CCSER1: variants seen among roughly 807,000 people sequenced by gnomAD.
The protein encoded by CCSER1 is coiled-coil serine rich protein 1, also known as serine-rich coiled-coil domain-containing protein 1.
In CCSER1, 41 loss-of-function variants were observed where a neutral mutation model predicts 82.0. The ratio of observed to expected loss-of-function variants is 0.50; its 90% confidence interval spans 0.39 to 0.65. The LOEUF is 0.65. Ranked by LOEUF, CCSER1 falls within the 30% of genes least tolerant of loss-of-function variation. CCSER1 has a pLI of 0.00. For synonymous variants in CCSER1, 414 were observed against 383.9 expected (o/e 1.08, Z -0.92); for missense variants, 1,119 against 1,064.2 (o/e 1.05, Z -0.72).
intron 10 of CCSER1, among the ~76,000 whole-genome samples, chr4:91,289,288 T>C (rs1326037822): frequency 1.3e-5 from 2 of 152,014 alleles, no homozygotes; most frequent in Non-Finnish European, 2.9e-5. Flanking sequence ...ATGTCCTACA[T>C]AAAATGTCTG....
intron 6 of CCSER1, among the ~76,000 whole-genome samples, chr4:90,722,393 C>A (rs577935951): frequency 4.6e-5 from 7 of 151,860 alleles, no homozygotes; most frequent in African/African-American, 1.7e-4. Context: ...CAGCATAAAG[C>A]TTCATTCATG....
At chr4:91,345,021 G>A (rs868538983) in intron 10 of CCSER1, among the ~76,000 whole-genome samples, 1 of 152,230 alleles carries the variant, frequency 6.6e-6, no homozygotes, top group South Asian at 2.1e-4. Context: ...ATTAACAGAA[G>A]CTGTTAAAAT....
At chr4:90,193,203 TAA>T (rs893985596) in intron 1 of CCSER1, among the ~76,000 whole-genome samples, 4 of 152,116 alleles carry the variant, frequency 2.6e-5, no homozygotes, top group African/African-American at 9.7e-5. Flanking sequence ...GAGTCATGTA[TAA>T]GAGACCCAGC....
chr4:90,987,373 A>G (rs1235861557), intron 9 of CCSER1, among the ~76,000 whole-genome samples: 2 of 151,436 alleles, frequency 1.3e-5, no homozygotes, highest in Non-Finnish European at 3.0e-5. Context: ...CTAAACCATT[A>G]TATTGCTTAT....
chr4:90,606,786 A>G (rs184908837), intron 5 of CCSER1, among the ~76,000 whole-genome samples: 292 of 152,316 alleles, frequency 1.9e-3, no homozygotes, highest in Non-Finnish European at 2.8e-3. Flanking sequence ...CTACTCTGAG[A>G]TAGCCCAGGG....
chr4:91,411,483 CATATATACAT>C (rs1309291082), intron 10 of CCSER1, among the ~76,000 whole-genome samples: 1 of 69,248 alleles, frequency 1.4e-5, no homozygotes, highest in African/African-American at 5.6e-5. Flanking sequence ...TAAATTTCTG[CATATATACAT>C]ATATATATAT....
intron 1 of CCSER1, among the ~76,000 whole-genome samples, chr4:90,133,634 G>A (rs1049536480): frequency 3.3e-5 from 5 of 152,058 alleles, no homozygotes; most frequent in African/African-American, 1.2e-4. Context: ...TTATACCACT[G>A]TTTCTCTCCC....
chr4:90,689,460 C>T (rs998396681), intron 6 of CCSER1, among the ~76,000 whole-genome samples: 12 of 151,834 alleles, frequency 7.9e-5, no homozygotes, highest in African/African-American at 1.9e-4. Flanking sequence ...TAAAACAGCT[C>T]GTTGATATAG....
rs575314983 is a variant in CCSER1 at position 91,464,230 on chromosome 4, A to T, written c.2218-134342A>T. On this transcript the variant is annotated intron_variant, in intron 10 of 10. Coordinates refer to ENST00000509176, the MANE Select transcript of CCSER1 (RefSeq NM_001145065.2). ...TTTTAAAGAAAAGTATTTTCAAACC[A>T]GAATTTCATATCCAGCCAAACTAAG... is the stretch of plus-strand genomic sequence containing the variant. Among the ~76,000 whole-genome samples the T allele has an allele frequency of 1.9e-4, 29 of 152,264 alleles. No individual in the cohort carries two copies. In the South Asian group the frequency reaches 5.8e-3, roughly 30 times the overall value.
At chr4:90,870,492 T>A (rs1347842919) in intron 8 of CCSER1, among the ~76,000 whole-genome samples, 1 of 151,886 alleles carries the variant, frequency 6.6e-6, no homozygotes, top group East Asian at 1.9e-4. Flanking sequence ...ATGTATCACA[T>A]CGATTTGCAT....
chr4:91,332,619 A>G (rs1279744012), intron 10 of CCSER1, among the ~76,000 whole-genome samples: 1 of 151,994 alleles, frequency 6.6e-6, no homozygotes, highest in African/African-American at 2.4e-5. Flanking sequence ...AGGATTTATT[A>G]CAGCGCTACA....
intron 9 of CCSER1, among the ~76,000 whole-genome samples, chr4:90,995,404 CT>C (rs1737404916): frequency 6.6e-6 from 1 of 152,040 alleles, no homozygotes; most frequent in Non-Finnish European, 1.5e-5. Context: ...TGTCTGTTGG[CT>C]TCTGTGGGAG....
intron 3 of CCSER1, among the ~76,000 whole-genome samples, chr4:90,316,363 G>C (rs1736162696): frequency 6.6e-6 from 1 of 152,086 alleles, no homozygotes. Flanking sequence ...GCATCAATTT[G>C]GTGTAATGAA....
At chr4:90,415,032 G>A (rs765017428) in intron 4 of CCSER1, among the ~76,000 whole-genome samples, 19 of 152,112 alleles carry the variant, frequency 1.2e-4, no homozygotes, top group Non-Finnish European at 2.1e-4. Context: ...ATAAGGTTAA[G>A]GCACAAAAAG....
At chr4:90,640,742 T>A (rs1364862619) in intron 6 of CCSER1, among the ~76,000 whole-genome samples, 4 of 152,250 alleles carry the variant, frequency 2.6e-5, no homozygotes, top group African/African-American at 9.6e-5. Context: ...AATAAGGGAC[T>A]TTTTCCCCTT....
At chr4:90,635,819 G>C (rs111438525) in intron 6 of CCSER1, among the ~76,000 whole-genome samples, 4,404 of 151,810 alleles carry the variant, frequency 0.029, 200 homozygotes, top group African/African-American at 0.1. Flanking sequence ...GATGTATATA[G>C]CAATTACCCT....
chr4:90,693,806 C>G (rs896024821), intron 6 of CCSER1, among the ~76,000 whole-genome samples: 1 of 151,416 alleles, frequency 6.6e-6, no homozygotes, highest in Non-Finnish European at 1.5e-5. Context: ...AAAGATAAAC[C>G]ACAGCCAATC....
At chr4:91,423,455 C>T (rs945758065) in intron 10 of CCSER1, among the ~76,000 whole-genome samples, 4 of 151,516 alleles carry the variant, frequency 2.6e-5, no homozygotes, top group South Asian at 2.1e-4. Flanking sequence ...TTCTGGTTAA[C>T]GGTAGAAAAA....
intron 6 of CCSER1, among the ~76,000 whole-genome samples, chr4:90,694,387 A>G (rs1269816236): frequency 6.6e-6 from 1 of 152,002 alleles, no homozygotes; most frequent in African/African-American, 2.4e-5. Flanking sequence ...CCTCATATTC[A>G]GAAAGCCGTA....
Sources: allele counts gnomAD v4.1 joint callset (sites outside exome capture counted in the v4.1 genomes callset), GRCh38; gene constraint gnomAD v4.1.1; transcripts MANE v1.5; gene names NCBI Gene and HGNC (gene_info 2026-07-23, HGNC 2026-07-21).